XKR6: variants seen among roughly 807,000 people sequenced by gnomAD.
XKR6 encodes XK-related protein 6.
XKR6 carries 22 observed loss-of-function variants against 56.7 expected under a neutral mutation model. That is an observed-to-expected ratio of 0.39 (90% CI 0.28 to 0.55). The LOEUF (loss-of-function observed/expected upper bound fraction) is 0.55. Among genes scored for constraint, XKR6 ranks in the 20% least tolerant of loss-of-function variants. The pLI, the probability that XKR6 is intolerant of heterozygous loss-of-function variation, is 0.66. For synonymous variants in XKR6, 524 were observed against 387.8 expected (o/e 1.35, Z -4.13); for missense variants, 852 against 889.0 (o/e 0.96, Z 0.53).
At chr8:10,907,094 C>T (rs1193965774) in intron 2 of XKR6, among the ~76,000 whole-genome samples, 6 of 152,176 alleles carry the variant, frequency 3.9e-5, no homozygotes, top group South Asian at 2.1e-4. Context: ...AGAGAAGAGA[C>T]GGCAATCACA....
At chr8:10,988,768 T>A (rs968115192) in intron 1 of XKR6, among the ~76,000 whole-genome samples, 1 of 152,196 alleles carries the variant, frequency 6.6e-6, no homozygotes, top group African/African-American at 2.4e-5. Context: ...ATGGTCCCAA[T>A]TTGTCACAGA....
At chr8:11,128,406 G>A (rs1305662148) in intron 1 of XKR6, among the ~76,000 whole-genome samples, 1 of 152,120 alleles carries the variant, frequency 6.6e-6, no homozygotes, top group Non-Finnish European at 1.5e-5. Flanking sequence ...TCAGACCTCT[G>A]AACTCCCGTC....
chr8:10,980,103 G>A (rs1438140105), intron 1 of XKR6, among the ~76,000 whole-genome samples: 5 of 152,252 alleles, frequency 3.3e-5, no homozygotes, highest in Non-Finnish European at 5.9e-5. Context: ...TGCAGGCCTG[G>A]AGCCCAGAAA....
At chr8:10,949,442 G>A (rs564879166) in intron 1 of XKR6, among the ~76,000 whole-genome samples, 11 of 152,300 alleles carry the variant, frequency 7.2e-5, no homozygotes, top group South Asian at 2.1e-4. Context: ...GGGGCCAGCC[G>A]CACCACAGAG....
intron 1 of XKR6, among the ~76,000 whole-genome samples, chr8:11,134,219 C>G (rs1458434465): frequency 6.6e-6 from 1 of 152,188 alleles, no homozygotes; most frequent in Non-Finnish European, 1.5e-5. Context: ...CCCTCTCCCA[C>G]CTCTTTCATA....
chr8:10,993,631 G>C (rs1798043676), intron 1 of XKR6, among the ~76,000 whole-genome samples: 1 of 152,182 alleles, frequency 6.6e-6, no homozygotes, highest in Admixed American at 6.5e-5. Flanking sequence ...AGAGGCTGGG[G>C]GCTGTCCCTT....
chr8:11,141,974 G>C (rs183174874), intron 1 of XKR6, among the ~76,000 whole-genome samples: 33 of 150,168 alleles, frequency 2.2e-4, no homozygotes, highest in Admixed American at 1.6e-3. Flanking sequence ...AATTCTCCAA[G>C]CTGGACACAT....
chr8:10,983,864 C>T (rs1797791837), intron 1 of XKR6, among the ~76,000 whole-genome samples: 1 of 152,022 alleles, frequency 6.6e-6, no homozygotes, highest in Admixed American at 6.5e-5. Flanking sequence ...ACCGTGTTAG[C>T]CAGGATGGTC....
intron 1 of XKR6, among the ~76,000 whole-genome samples, chr8:11,000,388 C>T (rs1171122805): frequency 6.6e-6 from 1 of 152,192 alleles, no homozygotes; most frequent in Non-Finnish European, 1.5e-5. Context: ...AATTCCACTT[C>T]AGTAGACACA....
chr8:10,936,351 T>A (rs1183378367), intron 1 of XKR6, among the ~76,000 whole-genome samples: 14 of 128,828 alleles, frequency 1.1e-4, no homozygotes, highest in African/African-American at 4.2e-4. Flanking sequence ...TGACTCTTTA[T>A]CCAACTTGCC....
chr8:10,901,011 T>C (rs545817928), intron 2 of XKR6, among the ~76,000 whole-genome samples: 1 of 151,068 alleles, frequency 6.6e-6, no homozygotes, highest in South Asian at 2.1e-4. Context: ...TGAGCCCAGC[T>C]AAGATTTTTA....
At chr8:11,091,126 T>G (rs1798054565) in intron 1 of XKR6, among the ~76,000 whole-genome samples, 1 of 152,104 alleles carries the variant, frequency 6.6e-6, no homozygotes, top group Non-Finnish European at 1.5e-5. Context: ...CAAGGGCTAT[T>G]GCTAGAGAAA....
At chr8:11,004,476 AAAATAAAT>A (rs59808833) in intron 1 of XKR6, among the ~76,000 whole-genome samples, 1 of 150,526 alleles carries the variant, frequency 6.6e-6, no homozygotes, top group Non-Finnish European at 1.5e-5. Flanking sequence ...GTCCATCTCA[AAAATAAAT>A]AAATAAATAA....
rs151224297 is a variant in XKR6 at position 11,055,995 on chromosome 8, G to A, written c.765-131165C>T. On this transcript the variant is annotated intron_variant, in intron 1 of 2. Transcript: ENST00000416569. ...CTGAAGGCCCCCTCCCCCTGCTTCC[G>A]GGCCTGTGCAGCCCTTGGGTCTCGA... 8.5e-5 allele frequency among the ~76,000 whole-genome samples: 13 copies of A among 152,246 alleles called. 1 individual carries two copies. The highest frequency in any genetic ancestry group is 6.2e-4 in the South Asian group (3 of 4,818).
chr8:10,921,190 C>G (rs1236466233), intron 2 of XKR6, among the ~76,000 whole-genome samples: 1 of 152,230 alleles, frequency 6.6e-6, no homozygotes, highest in Non-Finnish European at 1.5e-5. Context: ...GCTTTTCTCT[C>G]CAGAGATTTG....
chr8:10,924,892 C>G, intron 1 of XKR6, 62 bp from the exon 2 acceptor site: 1 of 1,527,092 alleles, frequency 6.5e-7, no homozygotes, highest in Non-Finnish European at 8.9e-7. Flanking sequence ...CCAGAGGACC[C>G]TTGCCATCCC....
At chr8:10,900,373 C>T (rs1034199613) in intron 2 of XKR6, among the ~76,000 whole-genome samples, 1 of 152,222 alleles carries the variant, frequency 6.6e-6, no homozygotes, top group African/African-American at 2.4e-5. Context: ...TCCGAGTTCT[C>T]TGCCACGTGA....
chr8:11,098,291 G>A lies in XKR6; in HGVS notation c.764+102285C>T, dbSNP rs150159586. ...ACATGCACGACACACAGGCGCGCGC[G>A]CACACACACACAAAGTTTGAGGACT... is the stretch of plus-strand genomic sequence containing the variant. On this transcript the variant is annotated intron_variant, in intron 1 of 2. Transcript: ENST00000416569. Among the ~76,000 whole-genome samples, 169 of 151,664 alleles carry A rather than the reference G, an allele frequency of 1.1e-3. 2 individuals are homozygous for A. Among genetic ancestry groups the A allele is most frequent in the African/African-American group, 3.9e-3 (161 of 41,312 alleles).
intron 1 of XKR6, among the ~76,000 whole-genome samples, chr8:11,084,211 G>T (rs1797812407): frequency 6.6e-6 from 1 of 152,196 alleles, no homozygotes; most frequent in African/African-American, 2.4e-5. Flanking sequence ...GACCTAATTA[G>T]GTTATGACTT....
Sources: gnomAD v4.1 joint callset for allele counts (sites outside exome capture counted in the v4.1 genomes callset) on GRCh38, gnomAD v4.1.1 for gene constraint, MANE v1.5 for transcripts, NCBI Gene and HGNC (gene_info 2026-07-23, HGNC 2026-07-21) for gene names.